Variants in RUNX2 observed in about 807,000 individuals in gnomAD.
The protein encoded by RUNX2 is RUNX family transcription factor 2.
RUNX2 carries 10 observed loss-of-function variants against 51.7 expected under a neutral mutation model. That is an observed-to-expected ratio of 0.19 (90% confidence interval 0.12 to 0.33). The LOEUF is 0.33. RUNX2 is among the 10% of genes least tolerant of loss of function. The probability of loss-of-function intolerance (pLI) is 1.00; values close to 1 mark genes in which losing one functional copy is unlikely to be tolerated. For missense variants in RUNX2, 562 were observed against 691.3 expected, an observed-to-expected ratio of 0.81 and a Z score of 2.10; for synonymous variants, 276 against 273.6, an observed-to-expected ratio of 1.01 and a Z score of -0.09.
chr6:45,457,367 T>C (rs1799345855), intron 5 of RUNX2, among the ~76,000 whole-genome samples: 1 of 151,956 alleles, frequency 6.6e-6, no homozygotes, highest in Non-Finnish European at 1.5e-5. Context: ...GCAGGTAAGG[T>C]AGTTCTTTTT....
intron 5 of RUNX2, among the ~76,000 whole-genome samples, chr6:45,482,460 T>C (rs1800144498): frequency 6.6e-6 from 1 of 152,252 alleles, no homozygotes; most frequent in Non-Finnish European, 1.5e-5. Flanking sequence ...TTTATAGACA[T>C]TCAAATTAAC....
chr6:45,530,088 G>A (rs1801796213), intron 7 of RUNX2, among the ~76,000 whole-genome samples: 1 of 152,214 alleles, frequency 6.6e-6, no homozygotes, highest in Admixed American at 6.5e-5. Flanking sequence ...TGAGGTGTCA[G>A]CTTTGGACTT....
intron 5 of RUNX2, among the ~76,000 whole-genome samples, chr6:45,466,203 C>T (rs1361355968): frequency 6.6e-6 from 1 of 151,842 alleles, no homozygotes; most frequent in African/African-American, 2.4e-5. Context: ...ATCCTAGCTA[C>T]TCAGGAGGCT....
intron 2 of RUNX2, among the ~76,000 whole-genome samples, chr6:45,395,226 T>A (rs1216298542): frequency 6.6e-6 from 1 of 152,202 alleles, no homozygotes; most frequent in African/African-American, 2.4e-5. Context: ...TCAGCTTTTT[T>A]TCTTGTGAGA....
intron 2 of RUNX2, among the ~76,000 whole-genome samples, chr6:45,345,014 A>C (rs1790562308): frequency 6.6e-6 from 1 of 152,164 alleles, no homozygotes. Flanking sequence ...AATTTAGCAA[A>C]CTGATTTATG....
intron 5 of RUNX2, among the ~76,000 whole-genome samples, chr6:45,482,851 CCTCTCTT>C (rs1306141372): frequency 1.3e-5 from 2 of 152,180 alleles, no homozygotes; most frequent in Non-Finnish European, 2.9e-5. Context: ...AATTGTTCTT[CCTCTCTT>C]CTCTCTTGAT....
intron 6 of RUNX2, among the ~76,000 whole-genome samples, chr6:45,500,318 C>A (rs142373016): frequency 3.3e-5 from 5 of 152,020 alleles, no homozygotes; most frequent in African/African-American, 7.3e-5. Flanking sequence ...TTAATGTATG[C>A]GAAAGTATTC....
chr6:45,332,856 G>C (rs1159181364), intron 2 of RUNX2, among the ~76,000 whole-genome samples: 1 of 151,668 alleles, frequency 6.6e-6, no homozygotes, highest in East Asian at 1.9e-4. Context: ...GGTGCTAGCA[G>C]ATCCAATGGT....
chr6:45,545,792 C>T (rs1045708789), intron 8 of RUNX2, among the ~76,000 whole-genome samples: 2 of 152,212 alleles, frequency 1.3e-5, no homozygotes, highest in South Asian at 2.1e-4. Context: ...GTCACAACTA[C>T]AAGATTCTAG....
At chr6:45,365,810 C>T (rs555419619) in intron 2 of RUNX2, among the ~76,000 whole-genome samples, 1 of 151,618 alleles carries the variant, frequency 6.6e-6, no homozygotes, top group African/African-American at 2.4e-5. Context: ...TAGAAAACTA[C>T]AGCATAATCT....
At chr6:45,344,337 A>T (rs1331930015) in intron 2 of RUNX2, among the ~76,000 whole-genome samples, 1 of 151,982 alleles carries the variant, frequency 6.6e-6, no homozygotes, top group Non-Finnish European at 1.5e-5. Flanking sequence ...CTGTATACTT[A>T]TTTTTGCTCT....
At chr6:45,441,933 C>A (rs2150374422) in intron 5 of RUNX2, among the ~76,000 whole-genome samples, 1 of 152,362 alleles carries the variant, frequency 6.6e-6, no homozygotes, top group East Asian at 1.9e-4. Flanking sequence ...TTTTCTGTCT[C>A]TGGCAGCTGA....
Position 45,328,432 on chromosome 6 carries a change from A to G in RUNX2, c.-95A>G, listed in dbSNP as rs200595267. 56 of 1,447,172 alleles carry G rather than the reference A, an allele frequency of 3.9e-5. No homozygotes were observed. The highest frequency in any genetic ancestry group is 5.0e-5 in the Non-Finnish European group (54 of 1,075,732). 89.6% of individuals were successfully genotyped at this position (1,447,172 alleles called of 1,614,324 possible). On this transcript the variant is annotated 5_prime_UTR_variant, in exon 1 of 9. Coordinates refer to ENST00000647337, the MANE Select transcript of RUNX2 (RefSeq NM_001024630.4). ...TTTAAATGGTTAATCTCCGCAGGTCACTACCAGCCACCGAGACCAACAGAG... is the reference window on the plus strand; with the variant it reads ...TTTAAATGGTTAATCTCCGCAGGTCGCTACCAGCCACCGAGACCAACAGAG...
rs1179504865 is a variant in RUNX2, at chr6:45,519,774, T to TTATATATATA, written c.1021+7375_1021+7384dup. 7.4e-4 allele frequency among the ~76,000 whole-genome samples: 101 copies of TTATATATATA among 135,834 alleles called. 1 individual carries two copies. Among genetic ancestry groups the TTATATATATA allele is most frequent in the African/African-American group, 3.2e-3 (97 of 29,966 alleles). 89.1% of individuals were successfully genotyped at this position (135,834 alleles called of 152,430 possible). ...ATTGCATTCCATTGGAAGGATGCTA[T>TTATATATATA]TATATATATATATATATGTGTGTGT... On this transcript the variant is annotated intron_variant, in intron 7 of 8. Transcript: ENST00000647337.
chr6:45,442,661 A>G (rs1051660002), intron 5 of RUNX2, among the ~76,000 whole-genome samples: 4 of 152,256 alleles, frequency 2.6e-5, no homozygotes, highest in African/African-American at 9.6e-5. Context: ...CTATTACTAA[A>G]TAATAAACTA....
intron 2 of RUNX2, among the ~76,000 whole-genome samples, chr6:45,400,856 GC>G (rs1272821618): frequency 6.6e-6 from 1 of 152,110 alleles, no homozygotes; most frequent in Admixed American, 6.5e-5. Flanking sequence ...TTTTTAAAAT[GC>G]CTCCAGCCAT....
At chr6:45,444,817 T>C (rs1191493967) in intron 5 of RUNX2, among the ~76,000 whole-genome samples, 2 of 152,186 alleles carry the variant, frequency 1.3e-5, no homozygotes, top group Non-Finnish European at 2.9e-5. Flanking sequence ...CTTACGCTGT[T>C]CCACCTAGTT....
intron 5 of RUNX2, among the ~76,000 whole-genome samples, chr6:45,447,010 A>G (rs1462768324): frequency 6.6e-6 from 1 of 152,282 alleles, no homozygotes; most frequent in African/African-American, 2.4e-5. Context: ...TTGGAAGACC[A>G]AAACTCTTCA....
At chr6:45,427,702 T>C (rs1798421735) in intron 3 of RUNX2, among the ~76,000 whole-genome samples, 5 of 152,146 alleles carry the variant, frequency 3.3e-5, no homozygotes, top group Admixed American at 3.3e-4. Flanking sequence ...AGTAATTGAT[T>C]AGTTAAGACT....
Sources: gnomAD v4.1 joint callset for allele counts (sites outside exome capture counted in the v4.1 genomes callset) on GRCh38, gnomAD v4.1.1 for gene constraint, MANE v1.5 for transcripts, NCBI Gene and HGNC (gene_info 2026-07-23, HGNC 2026-07-21) for gene names.